The following RBFOX3 variants were observed in gnomAD, a reference collection of about 807,000 sequenced individuals.
The protein encoded by RBFOX3 is RNA binding protein fox-1 homolog 3.
In RBFOX3, 17 loss-of-function variants were observed where a neutral mutation model predicts 48.7. The observed-to-expected ratio is 0.35, with a 90% confidence interval of 0.24 to 0.52. The LOEUF is 0.52. Ranked by LOEUF, RBFOX3 falls within the 20% of genes least tolerant of loss-of-function variation. RBFOX3 has a pLI of 0.94. For synonymous variants in RBFOX3, 212 were observed against 209.5 expected (o/e 1.01, Z -0.10); for missense variants, 382 against 497.5 (o/e 0.77, Z 2.21).
At chr17:79,324,056 A>T (rs1027757138) in intron 2 of RBFOX3, among the ~76,000 whole-genome samples, 1 of 152,192 alleles carries the variant, frequency 6.6e-6, no homozygotes, top group African/African-American at 2.4e-5. Flanking sequence ...TACAGGGGTC[A>T]TTACTGTTCC....
chr17:79,183,966 C>T (rs914594510), intron 4 of RBFOX3, among the ~76,000 whole-genome samples: 2 of 152,216 alleles, frequency 1.3e-5, no homozygotes, highest in Non-Finnish European at 2.9e-5. Flanking sequence ...CTCCCTTTGC[C>T]CCCGCTCCGT....
chr17:79,141,243 ACCTAAGAT>A (rs888608119), intron 4 of RBFOX3, among the ~76,000 whole-genome samples: 4 of 152,220 alleles, frequency 2.6e-5, no homozygotes, highest in African/African-American at 9.6e-5. Context: ...AGAGGGCTGA[ACCTAAGAT>A]TAGTGTGATT....
chr17:79,477,505 G>A lies in RBFOX3; in HGVS notation c.-175+4949C>T, dbSNP rs999814329. On this transcript the variant is annotated intron_variant, in intron 2 of 14. Coordinates refer to ENST00000693108, the MANE Select transcript of RBFOX3 (RefSeq NM_001350451.2). The surrounding 1 kb of genome is among the most constrained non-coding windows in gnomAD (Gnocchi z 4.8). ...CGGGAGGCGGAGTTTGCAGTGAGCT[G>A]AGATCGCCCCATCGCACTCCAGCCT... Among the ~76,000 whole-genome samples the A allele has an allele frequency of 1.3e-4, 20 of 152,072 alleles. No individual in the cohort carries two copies. Among genetic ancestry groups the A allele is most frequent in the Admixed American group, 3.9e-4 (6 of 15,284 alleles).
At chr17:79,553,219 TAAAA>T (rs1426276797) in intron 1 of RBFOX3, among the ~76,000 whole-genome samples, 1 of 152,336 alleles carries the variant, frequency 6.6e-6, no homozygotes, top group East Asian at 1.9e-4. Flanking sequence ...TTTTCAGTGT[TAAAA>T]AAGATAATCG....
intron 3 of RBFOX3, among the ~76,000 whole-genome samples, chr17:79,280,189 C>A (rs2070009336): frequency 6.6e-6 from 1 of 150,988 alleles, no homozygotes; most frequent in South Asian, 2.1e-4. Context: ...CACACATGCA[C>A]ACTTATACAC....
chr17:79,543,706 G>A (rs529675177), intron 1 of RBFOX3, among the ~76,000 whole-genome samples: 8 of 152,306 alleles, frequency 5.3e-5, no homozygotes, highest in Non-Finnish European at 1.0e-4. Context: ...TTCCAACCCC[G>A]CGGTCTTAGG....
chr17:79,586,392 G>A (rs1177138745), intron 1 of RBFOX3, among the ~76,000 whole-genome samples: 6 of 152,232 alleles, frequency 3.9e-5, no homozygotes, highest in African/African-American at 1.4e-4. Flanking sequence ...AGCCCAGCTG[G>A]GACCAGCCAA....
At chr17:79,660,269 CG>C in the RBFOX3 span, among the ~76,000 whole-genome samples, 8 of 152,120 alleles carry the variant, frequency 5.3e-5, no homozygotes, top group African/African-American at 1.9e-4. Context: ...ACAAAAACAC[CG>C]AAAGCAATCG....
intron 2 of RBFOX3, among the ~76,000 whole-genome samples, chr17:79,385,593 G>A (rs573855539): frequency 7.9e-5 from 12 of 152,254 alleles, no homozygotes; most frequent in African/African-American, 1.2e-4. Context: ...ACAGAGGTTC[G>A]CTCTCAAATA....
intron 10 of RBFOX3, 70 bp downstream of exon 10, chr17:79,097,622 C>CA: frequency 2.2e-6 from 3 of 1,386,166 alleles, no homozygotes; most frequent in Non-Finnish European, 3.0e-6. Flanking sequence ...GCCCCGCCCC[C>CA]AGAGCCCCCG....
At chr17:79,339,190 GACTAC>G (rs2081651913) in intron 2 of RBFOX3, among the ~76,000 whole-genome samples, 1 of 152,048 alleles carries the variant, frequency 6.6e-6, no homozygotes, top group Non-Finnish European at 1.5e-5. Flanking sequence ...GAGTGGCTGG[GACTAC>G]AGGCATGCAC....
rs2078706221 is a variant in RBFOX3 at position 79,481,066 on chromosome 17, C to T, written c.-175+1388G>A. Among the ~76,000 whole-genome samples the T allele has an allele frequency of 6.6e-6, 1 of 152,164 alleles. No individual in the cohort carries two copies. The highest frequency in any genetic ancestry group is 2.4e-5 in the African/African-American group (1 of 41,422). Reference sequence around the variant, plus strand: ...CAGAGAAGAGCACCCATGGCCTTCACCAGAGAGAAGCAAGCAGTGCACGCC... The same window carrying T: ...CAGAGAAGAGCACCCATGGCCTTCATCAGAGAGAAGCAAGCAGTGCACGCC... On this transcript the variant is annotated intron_variant, in intron 2 of 14. Coordinates refer to ENST00000693108, the MANE Select transcript of RBFOX3 (RefSeq NM_001350451.2). The surrounding 1 kb of genome is among the most constrained non-coding windows in gnomAD (Gnocchi z 5.4).
At chr17:79,459,968 C>A (rs1555747740) in intron 2 of RBFOX3, among the ~76,000 whole-genome samples, 2 of 152,048 alleles carry the variant, frequency 1.3e-5, no homozygotes, top group Non-Finnish European at 2.9e-5. Context: ...TACTCAGCTG[C>A]AAAAAGGAAT....
chr17:79,534,173 A>G (rs1473131170), intron 1 of RBFOX3, among the ~76,000 whole-genome samples: 3 of 152,346 alleles, frequency 2.0e-5, no homozygotes, highest in Non-Finnish European at 4.4e-5. Context: ...TTCTCTCTTT[A>G]GTCCAAATTC....
intron 3 of RBFOX3, among the ~76,000 whole-genome samples, chr17:79,273,687 A>G (rs1600345779): frequency 6.6e-6 from 1 of 152,326 alleles, no homozygotes; most frequent in South Asian, 2.1e-4. Context: ...CACAGAGCTC[A>G]GCCCCATTGG....
At chr17:79,169,340 G>T (rs561022127) in intron 4 of RBFOX3, among the ~76,000 whole-genome samples, 1 of 152,106 alleles carries the variant, frequency 6.6e-6, no homozygotes, top group Non-Finnish European at 1.5e-5. Flanking sequence ...TCCATATAGG[G>T]GAAGGGCAGG....
chr17:79,528,838 C>T (rs1297873371), intron 1 of RBFOX3, among the ~76,000 whole-genome samples: 7 of 152,146 alleles, frequency 4.6e-5, no homozygotes, highest in African/African-American at 1.7e-4. Context: ...ACCCTCCCCT[C>T]GCAGGGGATG....
At chr17:79,452,703 C>T (rs1262799432) in intron 2 of RBFOX3, among the ~76,000 whole-genome samples, 3 of 152,146 alleles carry the variant, frequency 2.0e-5, no homozygotes, top group Non-Finnish European at 2.9e-5. Flanking sequence ...GGGAGAGACT[C>T]GGACTTGGTG....
chr17:79,375,825 G>C (rs2059160799), intron 2 of RBFOX3, among the ~76,000 whole-genome samples: 1 of 152,228 alleles, frequency 6.6e-6, no homozygotes, highest in Non-Finnish European at 1.5e-5. Context: ...GAGCCTGCCT[G>C]CTTCCGGGTG....
Sources: allele counts gnomAD v4.1 joint callset (sites outside exome capture counted in the v4.1 genomes callset), GRCh38; gene constraint gnomAD v4.1.1; non-coding constraint Gnocchi (gnomAD v3.1); transcripts MANE v1.5; gene names NCBI Gene and HGNC (gene_info 2026-07-23, HGNC 2026-07-21).